Variants in ARHGAP24 observed in about 807,000 individuals in gnomAD.
ARHGAP24 encodes the protein rho GTPase-activating protein 24.
ARHGAP24 carries 50 observed loss-of-function variants against 76.4 expected under a neutral mutation model. The ratio of observed to expected loss-of-function variants is 0.65; its 90% CI spans 0.52 to 0.83. The LOEUF (loss-of-function observed/expected upper bound fraction) is 0.83. Ranked by LOEUF, ARHGAP24 falls within the 40% of genes least tolerant of loss-of-function variation. The pLI is 0.00. For missense variants in ARHGAP24, 930 were observed against 914.2 expected (o/e 1.02, Z -0.22); for synonymous variants, 345 against 323.3 (o/e 1.07, Z -0.72).
At chr4:85,755,641 G>GTTT (rs147557214) in intron 3 of ARHGAP24, among the ~76,000 whole-genome samples, 1,136 of 113,330 alleles carry the variant, frequency 0.01, 118 homozygotes, top group Middle Eastern at 0.032. Context: ...GTTTTGTTTT[G>GTTT]TTTTGTTTTG....
chr4:85,993,240 A>G (rs1740442957), intron 8 of ARHGAP24, among the ~76,000 whole-genome samples: 1 of 152,172 alleles, frequency 6.6e-6, no homozygotes, highest in Non-Finnish European at 1.5e-5. Context: ...TGCCAGTGCT[A>G]CTATTCTATT....
intron 2 of ARHGAP24, among the ~76,000 whole-genome samples, chr4:85,670,229 A>G (rs915559689): frequency 6.6e-6 from 1 of 152,176 alleles, no homozygotes; most frequent in African/African-American, 2.4e-5. Flanking sequence ...TTAGGATGTG[A>G]GAAAAATTCT....
At chr4:85,764,889 G>T (rs1446091122) in intron 3 of ARHGAP24, among the ~76,000 whole-genome samples, 1 of 152,032 alleles carries the variant, frequency 6.6e-6, no homozygotes, top group Admixed American at 6.6e-5. Context: ...TTCTGCCTGT[G>T]TTTATGTTTA....
chr4:85,484,447 T>A (rs2110088851), intron 1 of ARHGAP24, among the ~76,000 whole-genome samples: 1 of 152,186 alleles, frequency 6.6e-6, no homozygotes, highest in African/African-American at 2.4e-5. Context: ...ATGATAAAAA[T>A]TTGATAAAAA....
At chr4:85,585,186 A>T (rs1291089783) in intron 2 of ARHGAP24, among the ~76,000 whole-genome samples, 1 of 152,214 alleles carries the variant, frequency 6.6e-6, no homozygotes, top group East Asian at 1.9e-4. Flanking sequence ...TTTTGTTTCT[A>T]CCTGCCTTTA....
intron 2 of ARHGAP24, among the ~76,000 whole-genome samples, chr4:85,673,487 G>A (rs967654163): frequency 3.3e-5 from 5 of 151,970 alleles, no homozygotes; most frequent in East Asian, 2.0e-4. Context: ...TTCTCAGTCA[G>A]TGTTTCTCTC....
At chr4:85,715,541 T>G (rs1724701691) in intron 2 of ARHGAP24, among the ~76,000 whole-genome samples, 1 of 151,944 alleles carries the variant, frequency 6.6e-6, no homozygotes, top group African/African-American at 2.4e-5. Flanking sequence ...GGGGGAGAAA[T>G]AGTTTGCTTG....
In ARHGAP24 at chr4:85,835,494, T is replaced by C. The variant is rs1430327763; in HGVS notation, c.269-88154T>C. On this transcript the variant is annotated intron_variant, in intron 3 of 9. Coordinates refer to ENST00000395184, the MANE Select transcript of ARHGAP24 (RefSeq NM_001025616.3). ...TGACGTGAACCCGGGAGGCGGAGCT[T>C]GCAGTGGGCCGAGATCGCGCCACTG... 3.5e-5 allele frequency among the ~76,000 whole-genome samples: 5 copies of C among 144,486 alleles called. No individual in the cohort carries two copies. In the Admixed American group the frequency reaches 3.5e-4, roughly 10 times the overall value. 94.8% of individuals were successfully genotyped at this position (144,486 alleles called of 152,430 possible). A position where few individuals can be genotyped will look rare whatever the true frequency, so the allele number is the denominator to read the frequency against.
intron 3 of ARHGAP24, among the ~76,000 whole-genome samples, chr4:85,863,989 A>G (rs1732047287): frequency 6.6e-6 from 1 of 152,082 alleles, no homozygotes; most frequent in Non-Finnish European, 1.5e-5. Context: ...TCAATCAGGC[A>G]TGACATTTAC....
intron 1 of ARHGAP24, among the ~76,000 whole-genome samples, chr4:85,555,744 G>A (rs1726330686): frequency 6.6e-6 from 1 of 152,180 alleles, no homozygotes; most frequent in African/African-American, 2.4e-5. Flanking sequence ...TGTCTCTCAG[G>A]TTTCCATATC....
At chr4:85,645,597 C>T (rs935352235) in intron 2 of ARHGAP24, among the ~76,000 whole-genome samples, 1 of 152,050 alleles carries the variant, frequency 6.6e-6, no homozygotes, top group Non-Finnish European at 1.5e-5. Flanking sequence ...CTGCATGGCA[C>T]TGGGAAATGG....
intron 2 of ARHGAP24, among the ~76,000 whole-genome samples, chr4:85,620,904 G>A (rs999441457): frequency 1.3e-5 from 2 of 151,954 alleles, no homozygotes; most frequent in Non-Finnish European, 2.9e-5. Flanking sequence ...TACCCAATAG[G>A]TAGTTTTTCA....
At chr4:85,589,627 A>G (rs887753289) in intron 2 of ARHGAP24, among the ~76,000 whole-genome samples, 4 of 152,178 alleles carry the variant, frequency 2.6e-5, no homozygotes, top group Non-Finnish European at 4.4e-5. Context: ...GGCCAGAGAT[A>G]TATTTTTTGT....
chr4:85,594,991 T>C (rs1228208286), intron 2 of ARHGAP24, among the ~76,000 whole-genome samples: 1 of 151,994 alleles, frequency 6.6e-6, no homozygotes, highest in East Asian at 1.9e-4. Flanking sequence ...CCTCTTTTTT[T>C]TTTTGTAACA....
chr4:85,525,771 GT>G (rs1321487596), intron 1 of ARHGAP24, among the ~76,000 whole-genome samples: 1 of 152,102 alleles, frequency 6.6e-6, no homozygotes, highest in African/African-American at 2.4e-5. Context: ...GAGCATCCCA[GT>G]AAATATTTTA....
intron 3 of ARHGAP24, among the ~76,000 whole-genome samples, chr4:85,769,345 A>G (rs577450755): frequency 2.6e-5 from 4 of 152,286 alleles, no homozygotes; most frequent in South Asian, 4.1e-4. Flanking sequence ...TAACCATCTG[A>G]TAAGTTTTAC....
rs544542465 is a variant in ARHGAP24 at position 85,689,470 on chromosome 4, T to A, written c.181-32415T>A. On this transcript the variant is annotated intron_variant, in intron 2 of 9. Transcript: ENST00000395184. ...GGTGCAATCTCAGCTCACTACAATC[T>A]CCACCTCCTGGGTTCAAGTGATTAT... is the stretch of plus-strand genomic sequence containing the variant. Among the ~76,000 whole-genome samples the A allele has an allele frequency of 2.0e-4, 30 of 152,272 alleles. 1 individual carries two copies. The highest frequency in any genetic ancestry group is 3.4e-3 in the Middle Eastern group (1 of 294).
intron 3 of ARHGAP24, among the ~76,000 whole-genome samples, chr4:85,740,605 T>C (rs343851): frequency 0.94 from 143,773 of 152,214 alleles, 68,449 homozygotes; most frequent in East Asian, 1. Flanking sequence ...TTTTATTTAC[T>C]GTCATATACT....
rs1385165969 is a variant in ARHGAP24 at position 85,654,922 on chromosome 4, T to TTGG, written c.181-66963_181-66962insTGG. Among the ~76,000 whole-genome samples, 6 of 152,364 alleles carry TTGG rather than the reference T, an allele frequency of 3.9e-5. No homozygotes were observed. In the East Asian group the frequency reaches 1.2e-3, roughly 29 times the overall value. Reference sequence around the variant, plus strand: ...GGATATTAGAAAAATTTACATACACTATAACTCTTACAAAGTAAGTAGTGA... The same window carrying TTGG: ...GGATATTAGAAAAATTTACATACACTTGGATAACTCTTACAAAGTAAGTAGTGA... On this transcript the variant is annotated intron_variant, in intron 2 of 9. Coordinates refer to ENST00000395184, the MANE Select transcript of ARHGAP24 (RefSeq NM_001025616.3).
Sources: allele counts gnomAD v4.1 joint callset (sites outside exome capture counted in the v4.1 genomes callset), GRCh38; gene constraint gnomAD v4.1.1; transcripts MANE v1.5; gene names NCBI Gene and HGNC (gene_info 2026-07-23, HGNC 2026-07-21).